SGCZ: variants seen among roughly 807,000 people sequenced by gnomAD.
SGCZ encodes sarcoglycan zeta.
SGCZ carries 40 observed loss-of-function variants against 41.3 expected under a neutral mutation model. That is an observed-to-expected ratio of 0.97 (90% CI 0.75 to 1.26). The LOEUF (loss-of-function observed/expected upper bound fraction) is 1.26, where lower values mean the gene tolerates loss of function less well. SGCZ is among the 50% of genes most tolerant of loss of function. The pLI, the probability that SGCZ is intolerant of heterozygous loss-of-function variation, is 0.00. For missense variants in SGCZ, 552 were observed against 369.8 expected (o/e 1.49, Z -4.04); for synonymous variants, 206 against 137.5 (o/e 1.50, Z -3.49).
At chr8:14,761,535 A>ATT (rs754016787) in intron 1 of SGCZ, among the ~76,000 whole-genome samples, 1,406 of 135,752 alleles carry the variant, frequency 0.01, 17 homozygotes, top group South Asian at 0.039. Flanking sequence ...TTATTTATTT[A>ATT]TTTATTTTTT....
intron 2 of SGCZ, among the ~76,000 whole-genome samples, chr8:14,333,816 A>T (rs1330201703): frequency 6.6e-6 from 1 of 152,124 alleles, no homozygotes; most frequent in East Asian, 1.9e-4. Flanking sequence ...CTGAAGAAAG[A>T]CCATTTAAAA....
In SGCZ at chr8:14,574,939, G is replaced by A. The variant is rs150311338; in HGVS notation, c.40-20013C>T. Reference sequence around the variant, plus strand: ...TCTTGAAAGTGAATACATCAAGAACGCACAAAAATAAAATTATTTTATAAA... The same window carrying A: ...TCTTGAAAGTGAATACATCAAGAACACACAAAAATAAAATTATTTTATAAA... On this transcript the variant is annotated intron_variant, in intron 1 of 7. Coordinates refer to ENST00000382080, the MANE Select transcript of SGCZ (RefSeq NM_139167.4). Among the ~76,000 whole-genome samples, 849 of 152,048 alleles carry A rather than the reference G, an allele frequency of 5.6e-3. 7 individuals are homozygous for A. Among genetic ancestry groups the A allele is most frequent in the African/African-American group, 0.019 (805 of 41,460 alleles).
chr8:14,807,426 T>A (rs1346675739), intron 1 of SGCZ, among the ~76,000 whole-genome samples: 1 of 152,164 alleles, frequency 6.6e-6, no homozygotes, highest in Non-Finnish European at 1.5e-5. Context: ...GGCATTCTTA[T>A]ACACCAAGAG....
intron 1 of SGCZ, among the ~76,000 whole-genome samples, chr8:15,074,245 T>C (rs1315794549): frequency 2.0e-5 from 3 of 152,194 alleles, no homozygotes; most frequent in African/African-American, 7.2e-5. Flanking sequence ...AAGATGATTC[T>C]TTAGGACGTT....
chr8:14,601,594 G>A lies in SGCZ; in HGVS notation c.40-46668C>T, dbSNP rs80011583. The stretch of plus-strand genomic sequence containing the variant: ...CTGTTCTAATACGTAGAGCATACAA[G>A]TTGGTAGTTGGTATTTGATTGTTTA... On this transcript the variant is annotated intron_variant, in intron 1 of 7. Coordinates refer to ENST00000382080, the MANE Select transcript of SGCZ (RefSeq NM_139167.4). Among the ~76,000 whole-genome samples, 774 of 152,228 alleles carry A rather than the reference G, an allele frequency of 5.1e-3. 6 individuals are homozygous for A. The highest frequency in any genetic ancestry group is 0.018 in the African/African-American group (728 of 41,532).
chr8:14,444,701 T>C (rs888718439), intron 2 of SGCZ, among the ~76,000 whole-genome samples: 5 of 151,038 alleles, frequency 3.3e-5, no homozygotes, highest in African/African-American at 4.8e-5. Flanking sequence ...TTAGGAGATA[T>C]ACCTAATGCT....
chr8:14,396,491 G>T (rs145985780), intron 2 of SGCZ, among the ~76,000 whole-genome samples: 4 of 151,920 alleles, frequency 2.6e-5, no homozygotes, highest in African/African-American at 7.3e-5. Flanking sequence ...CATTCCCTAT[G>T]CCTCCTAATA....
chr8:15,170,175 A>C (rs1799785747), intron 1 of SGCZ, among the ~76,000 whole-genome samples: 1 of 152,192 alleles, frequency 6.6e-6, no homozygotes, highest in South Asian at 2.1e-4. Flanking sequence ...AAATAATATT[A>C]TATACCTGCT....
At chr8:14,330,784 C>T (rs1456962381) in intron 2 of SGCZ, among the ~76,000 whole-genome samples, 1 of 151,714 alleles carries the variant, frequency 6.6e-6, no homozygotes, top group Non-Finnish European at 1.5e-5. Context: ...ATGTAATGGC[C>T]ATAGTGCTGA....
intron 1 of SGCZ, among the ~76,000 whole-genome samples, chr8:15,122,525 G>A (rs1189522466): frequency 6.6e-6 from 1 of 152,130 alleles, no homozygotes; most frequent in African/African-American, 2.4e-5. Flanking sequence ...AAGCACAAAT[G>A]ATTGACGGTT....
At chr8:14,662,544 T>G (rs7014730) in intron 1 of SGCZ, among the ~76,000 whole-genome samples, 386 of 152,256 alleles carry the variant, frequency 2.5e-3, no homozygotes, top group African/African-American at 8.7e-3. Flanking sequence ...AACAGAGTTT[T>G]ACCACTCATA....
chr8:14,148,225 A>G (rs150244289), intron 5 of SGCZ, among the ~76,000 whole-genome samples: 1 of 152,198 alleles, frequency 6.6e-6, no homozygotes, highest in Non-Finnish European at 1.5e-5. Context: ...ATGAAATTGA[A>G]TTTTTTTAAA....
intron 1 of SGCZ, among the ~76,000 whole-genome samples, chr8:14,875,401 A>T (rs1222391160): frequency 1.3e-5 from 2 of 152,170 alleles, no homozygotes; most frequent in East Asian, 1.9e-4. Flanking sequence ...TGAATTTTGG[A>T]GGGGACATAC....
At chr8:14,947,744 T>C (rs1396735213) in intron 1 of SGCZ, among the ~76,000 whole-genome samples, 2 of 152,168 alleles carry the variant, frequency 1.3e-5, no homozygotes, top group African/African-American at 4.8e-5. Context: ...CTCACAAGGA[T>C]CCTGTAATTT....
At chr8:14,732,503 T>C (rs1798893840) in intron 1 of SGCZ, among the ~76,000 whole-genome samples, 1 of 152,204 alleles carries the variant, frequency 6.6e-6, no homozygotes, top group South Asian at 2.1e-4. Flanking sequence ...GCCCTCTGCA[T>C]GTTAGGAAGC....
intron 1 of SGCZ, among the ~76,000 whole-genome samples, chr8:14,694,748 C>A (rs1190823482): frequency 6.6e-6 from 1 of 152,108 alleles, no homozygotes; most frequent in African/African-American, 2.4e-5. Flanking sequence ...AAAGAAATAA[C>A]TCATATTTAT....
intron 1 of SGCZ, among the ~76,000 whole-genome samples, chr8:15,073,798 G>A (rs1458543192): frequency 6.6e-6 from 1 of 152,064 alleles, no homozygotes; most frequent in Admixed American, 6.6e-5. Context: ...AAATACACCT[G>A]TCTTCTCCCT....
chr8:14,988,638 A>T (rs1049657986), intron 1 of SGCZ, among the ~76,000 whole-genome samples: 9 of 149,030 alleles, frequency 6.0e-5, no homozygotes, highest in South Asian at 2.1e-4. Flanking sequence ...ACAACATATT[A>T]AAAAAAAACT....
At chr8:14,890,788 A>T (rs1229369237) in intron 1 of SGCZ, among the ~76,000 whole-genome samples, 1 of 152,184 alleles carries the variant, frequency 6.6e-6, no homozygotes, top group Admixed American at 6.5e-5. Context: ...CTAAGCTTCA[A>T]AGGACAGGCT....
Sources: allele counts gnomAD v4.1 joint callset (sites outside exome capture counted in the v4.1 genomes callset), GRCh38; gene constraint gnomAD v4.1.1; transcripts MANE v1.5; gene names NCBI Gene and HGNC (gene_info 2026-07-23, HGNC 2026-07-21).